Variants in DOCK9 observed in about 807,000 individuals in gnomAD.
DOCK9 encodes dedicator of cytokinesis protein 9.
Under a neutral mutation model 263.3 loss-of-function variants are expected in DOCK9, and 89 were observed. The ratio of observed to expected loss-of-function variants is 0.34; its 90% CI spans 0.28 to 0.40. The LOEUF (loss-of-function observed/expected upper bound fraction) is 0.40, where lower values mean the gene tolerates loss of function less well. DOCK9 is among the 10% of genes least tolerant of loss of function. The pLI, the probability that DOCK9 is intolerant of heterozygous loss-of-function variation, is 1.00. For synonymous variants in DOCK9, 976 were observed against 973.1 expected (o/e 1.00, Z -0.06); for missense variants, 2,140 against 2,603.4 (o/e 0.82, Z 3.87).
intron 2 of DOCK9, 55 bp from the exon 3 acceptor site, chr13:98,930,312 G>C: frequency 6.9e-7 from 1 of 1,453,332 alleles, no homozygotes; most frequent in Non-Finnish European, 9.5e-7. Flanking sequence ...GCAGGTGCCA[G>C]CCTCAGAGTG....
chr13:99,082,018 G>T (rs942003054), intron 1 of DOCK9, among the ~76,000 whole-genome samples: 1 of 152,022 alleles, frequency 6.6e-6, no homozygotes, highest in African/African-American at 2.4e-5. Context: ...CCCAGTTCAA[G>T]ACCAGCCTAG....
upstream of DOCK9, among the ~76,000 whole-genome samples, chr13:98,980,592 A>G (rs1442873911): frequency 2.0e-5 from 3 of 152,270 alleles, no homozygotes; most frequent in East Asian, 5.8e-4. Context: ...TTTAGCCTTT[A>G]AGTGCCTTGT....
intron 39 of DOCK9, chr13:98,832,238 C>G (rs1206542485): frequency 1.2e-5 from 2 of 161,122 alleles, no homozygotes; most frequent in Non-Finnish European, 2.7e-5. Flanking sequence ...GCCTCTAAGG[C>G]ACTCTGCTAA....
chr13:98,867,858 G>A (rs2094076526), intron 29 of DOCK9, 70 bp downstream of exon 29: 21 of 1,369,590 alleles, frequency 1.5e-5, no homozygotes, highest in South Asian at 4.1e-5. Flanking sequence ...AAAAAAAAAA[G>A]GAAAAAGATA....
At chr13:99,054,642 T>C (rs576449503) in intron 1 of DOCK9, among the ~76,000 whole-genome samples, 116 of 152,374 alleles carry the variant, frequency 7.6e-4, no homozygotes, top group Admixed American at 2.1e-3. Flanking sequence ...GCTACTGCCC[T>C]GCCTCAAGCA....
At chr13:98,808,779 T>C in intron 47 of DOCK9, 1 of 787,692 alleles carries the variant, frequency 1.3e-6, no homozygotes. Flanking sequence ...TACCATTTAA[T>C]AATGTTAAGG....
At chr13:99,086,928 G>A (rs1381150922), upstream of DOCK9, among the ~76,000 whole-genome samples, 1 of 152,066 alleles carries the variant, frequency 6.6e-6, no homozygotes, top group Non-Finnish European at 1.5e-5. Flanking sequence ...CCACCAAGAG[G>A]GCGCACAGCC....
At chr13:99,075,122 T>G (rs1237437715) in intron 1 of DOCK9, among the ~76,000 whole-genome samples, 1 of 152,208 alleles carries the variant, frequency 6.6e-6, no homozygotes, top group Non-Finnish European at 1.5e-5. Context: ...TATAATAGAT[T>G]TGTGTATCAT....
intron 15 of DOCK9, among the ~76,000 whole-genome samples, chr13:98,892,340 T>A (rs530984598): frequency 6.6e-6 from 1 of 152,298 alleles, no homozygotes; most frequent in African/African-American, 2.4e-5. Context: ...CTTATCTAAG[T>A]GTTTCTGCAG....
At chr13:99,029,563 T>C (rs1887114401) in intron 1 of DOCK9, among the ~76,000 whole-genome samples, 1 of 152,198 alleles carries the variant, frequency 6.6e-6, no homozygotes, top group Non-Finnish European at 1.5e-5. Context: ...AAAATGGCCA[T>C]GAGCACATAA....
intron 25 of DOCK9, among the ~76,000 whole-genome samples, chr13:98,881,316 T>C (rs904931674): frequency 1.7e-4 from 26 of 152,218 alleles, no homozygotes; most frequent in African/African-American, 5.1e-4. Context: ...CATTGAGTCA[T>C]ATTATTTGGA....
At chr13:98,937,516 G>A (rs527782831) in intron 2 of DOCK9, among the ~76,000 whole-genome samples, 5 of 152,236 alleles carry the variant, frequency 3.3e-5, no homozygotes, top group African/African-American at 7.2e-5. Flanking sequence ...GGTTAAACAC[G>A]TAGCCTTTGA....
intron 1 of DOCK9, among the ~76,000 whole-genome samples, chr13:99,047,634 T>C (rs1245904070): frequency 6.7e-6 from 1 of 150,204 alleles, no homozygotes; most frequent in Non-Finnish European, 1.5e-5. Flanking sequence ...TTCTCCTGCC[T>C]CAGCCTCCTG....
intron 1 of DOCK9, among the ~76,000 whole-genome samples, chr13:99,076,717 T>C (rs765204268): frequency 2.0e-5 from 3 of 152,040 alleles, no homozygotes; most frequent in East Asian, 1.9e-4. Flanking sequence ...AATGAAGATA[T>C]AGAGTCAGAT....
chr13:99,017,557 C>A (rs1336432592), intron 1 of DOCK9, among the ~76,000 whole-genome samples: 1 of 152,066 alleles, frequency 6.6e-6, no homozygotes, highest in Admixed American at 6.6e-5. Context: ...TTAGAAATAA[C>A]CAAGCAAATT....
At chr13:98,850,481 C>A (rs1269929373) in intron 35 of DOCK9, among the ~76,000 whole-genome samples, 1 of 152,228 alleles carries the variant, frequency 6.6e-6, no homozygotes, top group Non-Finnish European at 1.5e-5. Context: ...ACTACAGGAT[C>A]TCTCCCCAAC....
At chr13:98,844,030 G>A (rs1304594393) in intron 38 of DOCK9, among the ~76,000 whole-genome samples, 4 of 152,202 alleles carry the variant, frequency 2.6e-5, no homozygotes, top group Non-Finnish European at 5.9e-5. Context: ...TAACCTCTGT[G>A]TTATAGAAAT....
In DOCK9 at chr13:98,883,093, T is replaced by A. The variant is rs2045094027; in HGVS notation, c.2508A>T (p.Lys836Asn). Residue 836 changes from lysine (K) to asparagine (N), a missense_variant, in exon 23 of 53, where the codon AAA becomes AAT. Coordinates refer to ENST00000682017, the MANE Select transcript of DOCK9 (RefSeq NM_001366683.2). ...HLHNFFQYCQ[K>N]TESGAQALGN... ...CTAAGGCTTGGGCTCCAGATTCGGT[T>A]TTCTGACAGTACTGGAAAAAATTAT... The A allele has an allele frequency of 6.2e-7, 1 of 1,613,904 alleles. No individual in the cohort carries two copies. Among genetic ancestry groups the A allele is most frequent in the Non-Finnish European group, 8.5e-7 (1 of 1,179,854 alleles).
chr13:98,796,773 A>G (rs568696385), intron 52 of DOCK9, among the ~76,000 whole-genome samples: 1 of 152,350 alleles, frequency 6.6e-6, no homozygotes, highest in South Asian at 2.1e-4. Flanking sequence ...AAAGGAATAA[A>G]GTTGTCAGAA....
Sources: gnomAD v4.1 joint callset for allele counts (sites outside exome capture counted in the v4.1 genomes callset) on GRCh38, gnomAD v4.1.1 for gene constraint, MANE v1.5 for transcripts, NCBI Gene and HGNC (gene_info 2026-07-23, HGNC 2026-07-21) for gene names.